The following FAR1 variants were observed in gnomAD, a reference collection of about 807,000 sequenced individuals.
The protein encoded by FAR1 is fatty acyl-CoA reductase 1.
A neutral mutation model predicts 61.1 loss-of-function variants in FAR1; 22 were observed. The observed-to-expected ratio is 0.36, with a 90% CI of 0.26 to 0.51. FAR1 has a LOEUF of 0.51. FAR1 is among the 20% of genes least tolerant of loss of function. FAR1 has a pLI of 0.95. For synonymous variants in FAR1, 206 were observed against 209.7 expected, an observed-to-expected ratio of 0.98 and a Z score of 0.15; for missense variants, 359 against 626.9, an observed-to-expected ratio of 0.57 and a Z score of 4.56.
chr11:13,707,239 T>C (rs891046864), intron 3 of FAR1, among the ~76,000 whole-genome samples: 1 of 152,186 alleles, frequency 6.6e-6, no homozygotes, highest in African/African-American at 2.4e-5. Context: ...TGTGGAATTA[T>C]TTACTTCAAG....
chr11:13,714,291 T>C (rs1199518313), intron 8 of FAR1, among the ~76,000 whole-genome samples: 1 of 152,178 alleles, frequency 6.6e-6, no homozygotes, highest in Non-Finnish European at 1.5e-5. Flanking sequence ...TTCATTCATC[T>C]AAAATTCATA....
intron 10 of FAR1, among the ~76,000 whole-genome samples, chr11:13,725,828 G>T (rs955509136): frequency 2.0e-5 from 3 of 151,954 alleles, no homozygotes; most frequent in Non-Finnish European, 4.4e-5. Context: ...ACCTTTAATT[G>T]GAGAACTTAA....
chr11:13,723,739 G>T (rs535679589), intron 10 of FAR1, among the ~76,000 whole-genome samples: 1 of 152,016 alleles, frequency 6.6e-6, no homozygotes, highest in Non-Finnish European at 1.5e-5. Context: ...TTCATATTTT[G>T]TATCTCAGTG....
chr11:13,709,104 C>T (rs1848471077), intron 4 of FAR1, among the ~76,000 whole-genome samples: 1 of 151,800 alleles, frequency 6.6e-6, no homozygotes, highest in African/African-American at 2.4e-5. Context: ...GAATTTTTTC[C>T]TCCTTTATTC....
intron 10 of FAR1, chr11:13,723,391 A>G (rs1446031230): frequency 1.4e-5 from 6 of 419,738 alleles, no homozygotes; most frequent in African/African-American, 1.3e-4. Flanking sequence ...AAACCCCAAA[A>G]AAAAACTTTT....
At chr11:13,669,554 T>TGGTA (rs1359326641) in intron 1 of FAR1, 1 of 152,160 alleles carries the variant, frequency 6.6e-6, no homozygotes, top group African/African-American at 2.4e-5. Flanking sequence ...GATTTATGTG[T>TGGTA]GGTAGGTGAA....
chr11:13,700,226 T>C lies in FAR1; in HGVS notation c.190-91T>C, dbSNP rs1848354934. The C allele has an allele frequency of 9.9e-6, 9 of 908,516 alleles. 1 individual carries two copies. In the South Asian group the frequency reaches 1.2e-4, roughly 12 times the overall value. 56.3% of individuals were successfully genotyped at this position (908,516 alleles called of 1,614,324 possible). A position where few individuals can be genotyped will look rare whatever the true frequency, so the allele number is the denominator to read the frequency against. On this transcript the variant is annotated intron_variant, in intron 2 of 11. Transcript: ENST00000354817. ...TGTATAGTTTAAGTTTCTAAAAAAATAGTCATCCTTGGTGGGAAAAAAATG... is the reference window on the plus strand; with the variant it reads ...TGTATAGTTTAAGTTTCTAAAAAAACAGTCATCCTTGGTGGGAAAAAAATG...
At position 13,721,645 on chromosome 11, in the gene FAR1, AG is replaced by A. The variant is rs949227928; in HGVS notation, c.1128-80del. 9.8e-7 allele frequency: 1 copy of A among 1,022,744 alleles called. No individual in the cohort carries two copies. Among genetic ancestry groups the A allele is most frequent in the African/African-American group, 1.6e-5 (1 of 61,106 alleles). The allele number at this position is 1,022,744 out of a possible 1,614,324, so 63.4% of individuals were successfully genotyped here. On this transcript the variant is annotated intron_variant, in intron 9 of 11. Transcript: ENST00000354817. This position sits in a 1 kb window ranked among gnomAD's most constrained non-coding sequence, Gnocchi z 4.2. ...ATTTTAATACTAATGTCTATATTAT[AG>A]GGGGAAACTTGCACCCTGGGTGGTG...
intron 4 of FAR1, among the ~76,000 whole-genome samples, chr11:13,708,555 T>C (rs1480028638): frequency 6.6e-6 from 1 of 152,014 alleles, no homozygotes; most frequent in Non-Finnish European, 1.5e-5. Context: ...TAAATAAATG[T>C]TAATGAAGTC....
chr11:13,712,906 T>C, intron 7 of FAR1, 60 bp from the exon 8 acceptor site: 1 of 1,365,116 alleles, frequency 7.3e-7, no homozygotes, highest in Non-Finnish European at 1.0e-6. Context: ...TATGTAGGAC[T>C]TAGATTGGAT....
At chr11:13,701,678 A>G (rs1157616509) in intron 3 of FAR1, among the ~76,000 whole-genome samples, 1 of 152,102 alleles carries the variant, frequency 6.6e-6, no homozygotes, top group African/African-American at 2.4e-5. Flanking sequence ...AAAGCATTAC[A>G]GTGTGTTTTG....
chr11:13,719,703 T>C (rs1848589309), intron 9 of FAR1, among the ~76,000 whole-genome samples: 1 of 152,166 alleles, frequency 6.6e-6, no homozygotes. Context: ...CAGGTATTTT[T>C]AGTTATCACA....
At chr11:13,711,419 A>G (rs1282605551) in intron 5 of FAR1, among the ~76,000 whole-genome samples, 2 of 152,182 alleles carry the variant, frequency 1.3e-5, no homozygotes, top group Non-Finnish European at 2.9e-5. Context: ...CCCTAATCTC[A>G]GGCTATTGAA....
rs1848357513 is a variant in FAR1 at position 13,700,364 on chromosome 11, T to C, written c.237T>C (p.Ile79=). ...AAAATCCAGATTTTAGAGAGAAAAT[T>C]ATAGCAATCAACAGCGAACTCACCC... The part of the protein sequence containing the change: ...RDENPDFREK[I]IAINSELTQP... The change falls in exon 3 of 12, where the codon ATT becomes ATC. Residue 79 remains isoleucine, a synonymous_variant. Transcript: ENST00000354817. The C allele has an allele frequency of 6.3e-7, 1 of 1,598,296 alleles. No individual in the cohort carries two copies.
intron 1 of FAR1, among the ~76,000 whole-genome samples, chr11:13,679,015 A>G (rs1363997217): frequency 6.6e-6 from 1 of 152,158 alleles, no homozygotes; most frequent in Non-Finnish European, 1.5e-5. Flanking sequence ...TTCAGGGTAA[A>G]TATGGTATGT....
In FAR1 at chr11:13,698,324, C is replaced by A. The variant is rs561838471; in HGVS notation, c.190-1993C>A. Among the ~76,000 whole-genome samples the A allele has an allele frequency of 9.9e-5, 15 of 152,258 alleles. 2 individuals carry two copies. The highest frequency in any genetic ancestry group is 3.6e-4 in the African/African-American group (15 of 41,552). On this transcript the variant is annotated intron_variant, in intron 2 of 11. Coordinates refer to ENST00000354817, the MANE Select transcript of FAR1 (RefSeq NM_032228.6). ...CTGAGCAAAATAGATATGGACCCTA[C>A]CCTAATGAAGTTTGCATTCCTTATC...
chr11:13,692,060 C>G (rs1335220559), intron 1 of FAR1, among the ~76,000 whole-genome samples: 2 of 151,930 alleles, frequency 1.3e-5, no homozygotes, highest in Non-Finnish European at 2.9e-5. Flanking sequence ...CCCAGCTACT[C>G]GAAGGCTGAG....
chr11:13,673,144 C>T (rs765794736), intron 1 of FAR1, among the ~76,000 whole-genome samples: 1 of 152,154 alleles, frequency 6.6e-6, no homozygotes, highest in Admixed American at 6.5e-5. Flanking sequence ...AGAAAATAAG[C>T]TTTTCTTATT....
At chr11:13,703,900 C>T (rs1427892753) in intron 3 of FAR1, among the ~76,000 whole-genome samples, 6 of 151,698 alleles carry the variant, frequency 4.0e-5, no homozygotes, top group East Asian at 3.9e-4. Context: ...AAAAATGAGC[C>T]GGGCATGGTG....
Sources: allele counts gnomAD v4.1 joint callset (sites outside exome capture counted in the v4.1 genomes callset), GRCh38; gene constraint gnomAD v4.1.1; non-coding constraint Gnocchi (gnomAD v3.1); transcripts MANE v1.5; gene names NCBI Gene and HGNC (gene_info 2026-07-23, HGNC 2026-07-21).